Variants in TSBP1 observed in about 807,000 individuals in gnomAD.
TSBP1 encodes testis-expressed basic protein 1.
Under a neutral mutation model 68.8 loss-of-function variants are expected in TSBP1, and 56 were observed. The observed-to-expected ratio is 0.81, with a 90% CI of 0.66 to 1.02. TSBP1 has a LOEUF of 1.02. Among genes scored for constraint, TSBP1 ranks in the 50% least tolerant of loss-of-function variants. The pLI is 0.00. For synonymous variants in TSBP1, 171 were observed against 208.7 expected, an observed-to-expected ratio of 0.82 and a Z score of 1.56; for missense variants, 502 against 641.2, an observed-to-expected ratio of 0.78 and a Z score of 2.34.
At position 32,310,089 on chromosome 6, in the gene TSBP1, G is replaced by T. The variant is rs558303067; in HGVS notation, c.580+5683C>A. Among the ~76,000 whole-genome samples, 10 of 152,216 alleles carry T rather than the reference G, an allele frequency of 6.6e-5. No individual in the cohort carries two copies. In the East Asian group the frequency reaches 1.2e-3, roughly 18 times the overall value. ...TTGCAAATGATAGGATCTCATTCTT[G>T]TTTGGATTTCATTCTTGTTCTGTTG... On this transcript the variant is annotated intron_variant, in intron 19 of 22. Coordinates refer to ENST00000612031, the Ensembl canonical transcript of TSBP1.
intron 19 of TSBP1, among the ~76,000 whole-genome samples, chr6:32,305,787 C>T (rs537264443): frequency 3.9e-5 from 6 of 152,310 alleles, no homozygotes; most frequent in African/African-American, 1.2e-4. Context: ...TGAGCCACCA[C>T]GCCTGGCCAG....
chr6:32,294,135 G>A (rs1447279678), intron 22 of TSBP1, 100 bp from the exon 26 acceptor site: 1 of 1,448,818 alleles, frequency 6.9e-7, no homozygotes. Flanking sequence ...TCTTAAAACT[G>A]ACAAACTAAA....
intron 9 of TSBP1, among the ~76,000 whole-genome samples, chr6:32,346,576 GCCTGTAAC>G (rs1486435721): frequency 2.6e-5 from 4 of 152,184 alleles, no homozygotes; most frequent in African/African-American, 9.6e-5. Context: ...GGTGTCTCAT[GCCTGTAAC>G]CCCAGCAATT....
intron 6 of TSBP1, among the ~76,000 whole-genome samples, chr6:32,359,897 C>T (rs1220186798): frequency 6.6e-6 from 1 of 151,728 alleles, no homozygotes; most frequent in Non-Finnish European, 1.5e-5. Flanking sequence ...TTTTCTTTAG[C>T]TTTATTGAGG....
At chr6:32,370,382 T>C (rs1774248900) in intron 1 of TSBP1, among the ~76,000 whole-genome samples, 1 of 146,070 alleles carries the variant, frequency 6.8e-6, no homozygotes, top group African/African-American at 2.5e-5. Context: ...TTTTAACTCA[T>C]ACCTTTAAAG....
At position 32,294,109 on chromosome 6, in the gene TSBP1, A is replaced by G. The variant is rs764929570; in HGVS notation, c.638-74T>C. ...TTATTTCTATTTTTTTCCCCTTGAT[A>G]CTGGTTCCTTTTTTGTCTTAAAACT... On this transcript the variant is annotated intron_variant, in intron 22 of 22. Coordinates refer to ENST00000612031, the Ensembl canonical transcript of TSBP1. 4 of 1,577,620 alleles carry G rather than the reference A, an allele frequency of 2.5e-6. No individual in the cohort carries two copies. In the Admixed American group the frequency reaches 5.2e-5, roughly 21 times the overall value.
Position 32,335,497 on chromosome 6 carries a change from T to A in TSBP1, c.452-40A>T. The A allele has an allele frequency of 8.3e-7, 1 of 1,209,166 alleles. No homozygotes were observed. Among genetic ancestry groups the A allele is most frequent in the Non-Finnish European group, 1.1e-6 (1 of 922,312 alleles). The allele number at this position is 1,209,166 out of a possible 1,614,324, so 74.9% of individuals were successfully genotyped here. On this transcript the variant is annotated intron_variant, in intron 13 of 22. Transcript: ENST00000612031. The surrounding 1 kb of genome is among the most constrained non-coding windows in gnomAD (Gnocchi z 5.5). The stretch of plus-strand genomic sequence containing the variant: ...GAAAAGAAATCAGTAGCTATATATA[T>A]ATTTTATATATACTTTTTATTTATA...
intron 18 of TSBP1, among the ~76,000 whole-genome samples, chr6:32,317,230 G>A (rs1191328153): frequency 2.6e-5 from 4 of 152,106 alleles, no homozygotes; most frequent in African/African-American, 4.8e-5. Flanking sequence ...TTCAATAAAC[G>A]ATACTGGGAT....
intron 1 of TSBP1, among the ~76,000 whole-genome samples, chr6:32,371,025 C>A (rs1774362553): frequency 6.6e-6 from 1 of 152,154 alleles, no homozygotes; most frequent in Non-Finnish European, 1.5e-5. Context: ...TAATAACACA[C>A]CTCCAACCAG....
chr6:32,328,889 T>C (rs1478438010), intron 16 of TSBP1, among the ~76,000 whole-genome samples: 1 of 152,186 alleles, frequency 6.6e-6, no homozygotes, highest in African/African-American at 2.4e-5. Flanking sequence ...TTCACTAACC[T>C]TTTAATTAAT....
intron 19 of TSBP1, among the ~76,000 whole-genome samples, chr6:32,311,724 G>T (rs1562081545): frequency 6.6e-6 from 1 of 152,296 alleles, no homozygotes; most frequent in Non-Finnish European, 1.5e-5. Flanking sequence ...GAAGAATAGC[G>T]CTTTCTTTTT....
chr6:32,351,719 A>G (rs371150666), intron 8 of TSBP1, among the ~76,000 whole-genome samples: 2 of 152,108 alleles, frequency 1.3e-5, no homozygotes, highest in Admixed American at 6.5e-5. Context: ...GATTAACTTC[A>G]TTTATCCTGC....
At chr6:32,362,342 T>TTGCC (rs1488020888) in intron 6 of TSBP1, among the ~76,000 whole-genome samples, 1 of 150,596 alleles carries the variant, frequency 6.6e-6, no homozygotes, top group Non-Finnish European at 1.5e-5. Context: ...GTTAGCCACC[T>TTGCC]TGCCATGTTA....
At chr6:32,293,006 T>C in exon 23 of TSBP1, 1 of 1,600,810 alleles carries the variant, frequency 6.2e-7, no homozygotes, top group East Asian at 2.2e-5. Flanking sequence ...TTTGTTGTAC[T>C]TCCTTCCTGT....
intron 19 of TSBP1, among the ~76,000 whole-genome samples, chr6:32,308,957 C>CTTT (rs9279571): frequency 1.6e-5 from 2 of 122,050 alleles, no homozygotes; most frequent in Non-Finnish European, 1.7e-5. Context: ...TTTCTTCCTG[C>CTTT]TTTTTTTTTT....
intron 8 of TSBP1, chr6:32,350,119 C>T (rs1265237387): frequency 1.8e-6 from 1 of 567,396 alleles, no homozygotes; most frequent in African/African-American, 1.8e-5. Context: ...TCTACCTTTC[C>T]TCCACCTCTT....
At chr6:32,360,283 T>C (rs1772849032) in intron 6 of TSBP1, among the ~76,000 whole-genome samples, 1 of 152,228 alleles carries the variant, frequency 6.6e-6, no homozygotes, top group African/African-American at 2.4e-5. Flanking sequence ...TGTCTTTCTA[T>C]GCGTGGCTAA....
chr6:32,369,909 A>G (rs3129941), exon 2 of TSBP1: 1,244,388 of 1,599,640 alleles, frequency 0.78, 486,929 homozygotes, highest in East Asian at 0.92. Context: ...CTTTGCTTAC[A>G]TCGTGCCCAT....
At position 32,365,817 on chromosome 6, in the gene TSBP1, T is replaced by C. The variant is rs1029240712; in HGVS notation, c.217+350A>G. On this transcript the variant is annotated intron_variant, in intron 6 of 22. Coordinates refer to ENST00000612031, the Ensembl canonical transcript of TSBP1. The surrounding 1 kb of genome is among the most constrained non-coding windows in gnomAD (Gnocchi z 4.3). Reference sequence around the variant, plus strand: ...TGACAGCGTGCTGGAACTTCTCTGCTGGACTCCTGGACTCCCACAATGGTA... The same window carrying C: ...TGACAGCGTGCTGGAACTTCTCTGCCGGACTCCTGGACTCCCACAATGGTA... The C allele has an allele frequency of 2.4e-6, 1 of 422,346 alleles. No individual in the cohort carries two copies. The highest frequency in any genetic ancestry group is 2.0e-5 in the African/African-American group (1 of 48,972). The allele number at this position is 422,346 out of a possible 1,614,324, so 26.2% of individuals were successfully genotyped here.
Sources: allele counts gnomAD v4.1 joint callset (sites outside exome capture counted in the v4.1 genomes callset), GRCh38; gene constraint gnomAD v4.1.1; non-coding constraint Gnocchi (gnomAD v3.1); transcripts MANE v1.5; gene names NCBI Gene and HGNC (gene_info 2026-07-23, HGNC 2026-07-21).